ACTL8: variants seen among roughly 807,000 people sequenced by gnomAD.
ACTL8 encodes the protein actin-like protein 8.
In ACTL8, 3 loss-of-function variants were observed where a neutral mutation model predicts 9.3. The observed-to-expected ratio is 0.32, with a 90% CI of 0.15 to 0.83. The LOEUF (loss-of-function observed/expected upper bound fraction) is 0.83, where lower values mean the gene tolerates loss of function less well. Among genes scored for constraint, ACTL8 ranks in the 40% least tolerant of loss-of-function variants. ACTL8 has a pLI of 0.57. For synonymous variants in ACTL8, 224 were observed against 205.9 expected (o/e 1.09, Z -0.75); for missense variants, 381 against 492.2 (o/e 0.77, Z 2.14).
chr1:17,808,492 G>A (rs866844660), intron 1 of ACTL8, among the ~76,000 whole-genome samples: 2 of 152,190 alleles, frequency 1.3e-5, no homozygotes, highest in Non-Finnish European at 1.5e-5. Flanking sequence ...TTTGAATCTT[G>A]ACTACACTCA....
intron 1 of ACTL8, among the ~76,000 whole-genome samples, chr1:17,775,391 A>T (rs1001734979): frequency 2.6e-5 from 4 of 152,020 alleles, no homozygotes; most frequent in African/African-American, 9.7e-5. Context: ...GGCTCTTAGG[A>T]TGGGAATGGC....
At chr1:17,824,066 T>C (rs1256874420) in intron 2 of ACTL8, among the ~76,000 whole-genome samples, 1 of 152,134 alleles carries the variant, frequency 6.6e-6, no homozygotes, top group Non-Finnish European at 1.5e-5. Context: ...GGGAACCTGT[T>C]TGAAGAGAGC....
chr1:17,771,526 G>T (rs906770001), intron 1 of ACTL8, among the ~76,000 whole-genome samples: 1 of 152,136 alleles, frequency 6.6e-6, no homozygotes, highest in Non-Finnish European at 1.5e-5. Context: ...ATTTGGCTCA[G>T]AAAGAGGTGA....
At chr1:17,768,288 A>G (rs1200409947) in intron 1 of ACTL8, among the ~76,000 whole-genome samples, 1 of 152,188 alleles carries the variant, frequency 6.6e-6, no homozygotes, top group African/African-American at 2.4e-5. Context: ...CTGGAAATCC[A>G]TGTACCCAGA....
At chr1:17,763,823 A>G (rs1266608730) in intron 1 of ACTL8, among the ~76,000 whole-genome samples, 1 of 152,176 alleles carries the variant, frequency 6.6e-6, no homozygotes, top group Non-Finnish European at 1.5e-5. Context: ...GTGAGTGTGC[A>G]GTGGGGGCTT....
At chr1:17,778,850 G>A (rs909379959) in intron 1 of ACTL8, among the ~76,000 whole-genome samples, 3 of 152,286 alleles carry the variant, frequency 2.0e-5, no homozygotes, top group Non-Finnish European at 2.9e-5. Flanking sequence ...CCCAGACATG[G>A]ATTTGGTGCT....
At chr1:17,790,287 T>C (rs1192808068) in intron 1 of ACTL8, among the ~76,000 whole-genome samples, 1 of 152,234 alleles carries the variant, frequency 6.6e-6, no homozygotes, top group Non-Finnish European at 1.5e-5. Flanking sequence ...ACAGCTCTTC[T>C]CTTCTTCTCT....
At chr1:17,824,132 C>CA (rs2124196262) in intron 2 of ACTL8, among the ~76,000 whole-genome samples, 1 of 152,264 alleles carries the variant, frequency 6.6e-6, no homozygotes, top group Admixed American at 6.5e-5. Context: ...CGGCAAGAGG[C>CA]AAATAGGATG....
At chr1:17,819,904 G>C (rs1203497735) in intron 1 of ACTL8, among the ~76,000 whole-genome samples, 2 of 152,046 alleles carry the variant, frequency 1.3e-5, no homozygotes, top group Non-Finnish European at 2.9e-5. Flanking sequence ...AGCTACCCAG[G>C]AGGCTGAGGT....
At chr1:17,760,414 A>T (rs1285389913) in intron 1 of ACTL8, among the ~76,000 whole-genome samples, 1 of 152,202 alleles carries the variant, frequency 6.6e-6, no homozygotes, top group African/African-American at 2.4e-5. Flanking sequence ...GGTTTTTCAC[A>T]GGCGTGCATA....
At chr1:17,807,295 C>A (rs908705651) in intron 1 of ACTL8, among the ~76,000 whole-genome samples, 5 of 152,278 alleles carry the variant, frequency 3.3e-5, no homozygotes, top group Admixed American at 6.5e-5. Flanking sequence ...TTGGAGACCG[C>A]AGCATTGACA....
At chr1:17,824,001 AG>A (rs1359499399) in intron 2 of ACTL8, among the ~76,000 whole-genome samples, 1 of 152,224 alleles carries the variant, frequency 6.6e-6, no homozygotes, top group Non-Finnish European at 1.5e-5. Flanking sequence ...AATTCCAGGT[AG>A]TGATGAGTTC....
intron 1 of ACTL8, among the ~76,000 whole-genome samples, chr1:17,788,913 G>A (rs1239561030): frequency 6.6e-6 from 1 of 152,216 alleles, no homozygotes; most frequent in Non-Finnish European, 1.5e-5. Context: ...TCCTGGCATG[G>A]CTCAGGTCAT....
At chr1:17,756,425 C>T (rs912596318) in intron 1 of ACTL8, among the ~76,000 whole-genome samples, 1 of 152,124 alleles carries the variant, frequency 6.6e-6, no homozygotes, top group African/African-American at 2.4e-5. Flanking sequence ...TGGATGGGGT[C>T]TGGTCTTCAG....
chr1:17,776,584 G>A (rs950378936), intron 1 of ACTL8, among the ~76,000 whole-genome samples: 6 of 152,174 alleles, frequency 3.9e-5, no homozygotes, highest in East Asian at 1.9e-4. Flanking sequence ...CCACTCTGCC[G>A]TCGTCCCTTC....
In ACTL8 at chr1:17,823,220, G is replaced by A. The variant is rs201038955; in HGVS notation, c.212G>A (p.Arg71His). The change falls in exon 2 of 3, where the codon CGC becomes CAC. Residue 71 changes from arginine to histidine, a missense_variant. Arg to His is a conservative substitution (Grantham distance 29, BLOSUM62 0). This residue lies in a region of ACTL8 where 125 missense variants were observed against 180.7 expected (regional missense o/e 0.69). Transcript: ENST00000375406. The surrounding 1 kb of genome is among the most constrained non-coding windows in gnomAD (Gnocchi z 5.3). ...TTTAGCTACCCCATCGAGCGGGGCC[G>A]CATCCTCAACTGGGAGGGTGTGCAG... ...DTFSYPIERG[R>H]ILNWEGVQYL... The A allele has an allele frequency of 1.5e-5, 25 of 1,614,134 alleles. No homozygotes were observed. Among genetic ancestry groups the A allele is most frequent in the Non-Finnish European group, 2.0e-5 (24 of 1,180,022 alleles).
chr1:17,769,844 A>G (rs1205439631), intron 1 of ACTL8, among the ~76,000 whole-genome samples: 1 of 152,200 alleles, frequency 6.6e-6, no homozygotes, highest in Admixed American at 6.5e-5. Context: ...CTCCAAAATA[A>G]TTGAAATTTT....
chr1:17,787,587 A>C (rs1462532537), intron 1 of ACTL8, among the ~76,000 whole-genome samples: 1 of 152,154 alleles, frequency 6.6e-6, no homozygotes, highest in Non-Finnish European at 1.5e-5. Flanking sequence ...GCATTCTTTT[A>C]ACAGCTACAT....
At chr1:17,805,657 C>T (rs2066355749) in intron 1 of ACTL8, among the ~76,000 whole-genome samples, 5 of 152,136 alleles carry the variant, frequency 3.3e-5, no homozygotes, top group Non-Finnish European at 7.4e-5. Flanking sequence ...GGATTACAGG[C>T]GTGAGCCACT....
Sources: gnomAD v4.1 joint callset for allele counts (sites outside exome capture counted in the v4.1 genomes callset) on GRCh38, gnomAD v4.1.1 for gene constraint, gnomAD v4.1.1 regional missense constraint, Gnocchi (gnomAD v3.1) non-coding constraint, MANE v1.5 for transcripts, NCBI Gene and HGNC (gene_info 2026-07-23, HGNC 2026-07-21) for gene names.